TDP1: variants seen among roughly 807,000 people sequenced by gnomAD.
TDP1 encodes the protein tyr-DNA phosphodiesterase 1.
A neutral mutation model predicts 81.5 loss-of-function variants in TDP1; 64 were observed. That is an observed-to-expected ratio of 0.79 (90% CI 0.64 to 0.97). TDP1 has a LOEUF of 0.97. Among genes scored for constraint, TDP1 ranks in the 50% least tolerant of loss-of-function variants. The pLI is 0.00. For synonymous variants in TDP1, 256 were observed against 264.3 expected (o/e 0.97, Z 0.30); for missense variants, 723 against 743.8 (o/e 0.97, Z 0.33).
intron 8 of TDP1, among the ~76,000 whole-genome samples, chr14:89,981,209 T>C (rs1054028789): frequency 2.0e-5 from 3 of 152,186 alleles, no homozygotes; most frequent in Non-Finnish European, 2.9e-5. Context: ...TTGAAACAAA[T>C]TTAAGCTGGT....
chr14:89,976,636 A>G (rs535076372), intron 7 of TDP1, among the ~76,000 whole-genome samples: 2 of 148,476 alleles, frequency 1.3e-5, no homozygotes, highest in South Asian at 4.2e-4. Context: ...TCCTGGGTTC[A>G]AACGATTCTC....
intron 15 of TDP1, chr14:90,022,986 A>G (rs548795996): frequency 2.9e-5 from 22 of 749,672 alleles, no homozygotes; most frequent in African/African-American, 5.1e-5. Context: ...ACCCACCTCC[A>G]TACTCACTTC....
chr14:90,030,770 T>C (rs1426561826), intron 15 of TDP1, among the ~76,000 whole-genome samples: 2 of 145,418 alleles, frequency 1.4e-5, no homozygotes, highest in Non-Finnish European at 2.9e-5. Flanking sequence ...TCATTTTTAC[T>C]CTTTTTTTTT....
chr14:89,970,769 A>T (rs1893532728), intron 5 of TDP1: 2 of 951,488 alleles, frequency 2.1e-6, no homozygotes, highest in African/African-American at 1.8e-5. Context: ...ATATCGAGTG[A>T]TAAGGAAGCT....
chr14:89,993,912 A>G (rs1896444014), intron 14 of TDP1, among the ~76,000 whole-genome samples: 1 of 152,226 alleles, frequency 6.6e-6, no homozygotes. Context: ...TAATTCACGT[A>G]CCATAAAATC....
upstream of TDP1, chr14:89,955,054 T>G (rs931694264): frequency 9.5e-5 from 23 of 240,876 alleles, no homozygotes; most frequent in Non-Finnish European, 1.8e-4. Context: ...TTTTAATCAT[T>G]TAGATCTATG....
At chr14:90,016,132 C>T (rs1264602261) in intron 14 of TDP1, among the ~76,000 whole-genome samples, 1 of 151,718 alleles carries the variant, frequency 6.6e-6, no homozygotes, top group East Asian at 1.9e-4. Flanking sequence ...GCAACCTCCT[C>T]CTCCTGGGTT....
chr14:90,009,767 G>C (rs1427632893), intron 14 of TDP1, among the ~76,000 whole-genome samples: 2 of 152,112 alleles, frequency 1.3e-5, no homozygotes, highest in South Asian at 4.2e-4. Context: ...ATAAAAGCAG[G>C]GTAAGACTGT....
chr14:89,979,760 G>C (rs761013685), intron 7 of TDP1, among the ~76,000 whole-genome samples: 4 of 152,172 alleles, frequency 2.6e-5, no homozygotes, highest in Non-Finnish European at 4.4e-5. Flanking sequence ...CAGGTCTTCA[G>C]ACTTCAAATG....
intron 15 of TDP1, among the ~76,000 whole-genome samples, chr14:90,030,985 C>T (rs1004657302): frequency 6.6e-6 from 1 of 151,860 alleles, no homozygotes; most frequent in Non-Finnish European, 1.5e-5. Context: ...GTTGTCTAGG[C>T]TGGTCTTGAA....
At chr14:90,042,787 C>G (rs1596744002) in intron 16 of TDP1, 3 of 757,546 alleles carry the variant, frequency 4.0e-6, no homozygotes, top group East Asian at 1.3e-4. Flanking sequence ...CCCACCAAGT[C>G]CCTCCCACGA....
intron 15 of TDP1, chr14:90,032,852 A>G (rs1343443012): frequency 1.0e-6 from 1 of 984,892 alleles, no homozygotes; most frequent in African/African-American, 1.7e-5. Flanking sequence ...GTTTCTTTGT[A>G]TCCTTTGAAA....
intron 12 of TDP1, chr14:89,991,512 C>G (rs1896178037): frequency 1.0e-6 from 1 of 970,512 alleles, no homozygotes; most frequent in African/African-American, 1.8e-5. Flanking sequence ...TGGGAGAAAT[C>G]TTTTTAATGT....
intron 2 of TDP1, 139 bp from the exon 3 acceptor site, chr14:89,962,969 C>T: frequency 6.6e-7 from 1 of 1,520,404 alleles, no homozygotes. Flanking sequence ...CTTATAAACA[C>T]CCAAAAAGCA....
At chr14:89,981,437 C>T in intron 8 of TDP1, 1 of 454,066 alleles carries the variant, frequency 2.2e-6, no homozygotes, top group South Asian at 1.6e-5. Flanking sequence ...TTGATTATGA[C>T]TAACTTTAAT....
chr14:89,979,081 A>G (rs1394253015), intron 7 of TDP1, among the ~76,000 whole-genome samples: 1 of 152,166 alleles, frequency 6.6e-6, no homozygotes, highest in Non-Finnish European at 1.5e-5. Flanking sequence ...ATCAGTAAGT[A>G]TTAAGTAGCA....
chr14:89,996,669 T>C (rs1896674913), intron 14 of TDP1, among the ~76,000 whole-genome samples: 1 of 152,240 alleles, frequency 6.6e-6, no homozygotes, highest in South Asian at 2.1e-4. Context: ...TGGACAAGTT[T>C]CTTAACCTCT....
intron 15 of TDP1, among the ~76,000 whole-genome samples, chr14:90,031,186 C>T (rs986928113): frequency 8.6e-5 from 13 of 151,568 alleles, no homozygotes; most frequent in African/African-American, 2.4e-4. Flanking sequence ...TATACATGTG[C>T]CATGCTGGTG....
chr14:89,974,931 C>T (rs1031536455), intron 6 of TDP1, among the ~76,000 whole-genome samples: 1 of 152,168 alleles, frequency 6.6e-6, no homozygotes, highest in African/African-American at 2.4e-5. Flanking sequence ...TATATACATA[C>T]CCTCCATTAG....
Sources: allele counts gnomAD v4.1 joint callset (sites outside exome capture counted in the v4.1 genomes callset), GRCh38; gene constraint gnomAD v4.1.1; transcripts MANE v1.5; gene names NCBI Gene and HGNC (gene_info 2026-07-23, HGNC 2026-07-21).